The following EYA4 variants were observed in gnomAD, a reference collection of about 807,000 sequenced individuals.
The protein encoded by EYA4 is protein phosphatase EYA4.
In EYA4, 31 loss-of-function variants were observed where a neutral mutation model predicts 87.9. The observed-to-expected ratio is 0.35, with a 90% CI of 0.27 to 0.48. The LOEUF is 0.48. Among genes scored for constraint, EYA4 ranks in the 20% least tolerant of loss-of-function variants. The probability of loss-of-function intolerance (pLI) is 0.99; values close to 1 mark genes in which losing one functional copy is unlikely to be tolerated. For missense variants in EYA4, 678 were observed against 761.4 expected (o/e 0.89, Z 1.29); for synonymous variants, 263 against 270.6 (o/e 0.97, Z 0.28).
intron 11 of EYA4, among the ~76,000 whole-genome samples, chr6:133,479,210 G>T (rs903810657): frequency 6.6e-6 from 1 of 152,078 alleles, no homozygotes; most frequent in Non-Finnish European, 1.5e-5. Context: ...TTAAAAGTTG[G>T]TGTATGTTCA....
chr6:133,241,035 G>C (rs932122228), upstream of EYA4, among the ~76,000 whole-genome samples: 2 of 151,980 alleles, frequency 1.3e-5, no homozygotes, highest in African/African-American at 2.4e-5. Context: ...GAGTCGGCCC[G>C]GGTGGGGGCG....
intron 1 of EYA4, among the ~76,000 whole-genome samples, chr6:133,244,517 G>A (rs1271655668): frequency 6.6e-6 from 1 of 151,788 alleles, no homozygotes; most frequent in African/African-American, 2.4e-5. Context: ...GTTTCTAGAA[G>A]CTGGAGAAAA....
chr6:133,413,748 A>C (rs756186275), intron 3 of EYA4, among the ~76,000 whole-genome samples: 3 of 152,188 alleles, frequency 2.0e-5, no homozygotes, highest in African/African-American at 7.2e-5. Flanking sequence ...TGTTTCCAGC[A>C]TAGATCTCTT....
chr6:133,254,454 A>T (rs1471429943), intron 1 of EYA4, among the ~76,000 whole-genome samples: 1 of 152,114 alleles, frequency 6.6e-6, no homozygotes, highest in East Asian at 1.9e-4. Context: ...ACAATTGAGG[A>T]AGTAAAAAAA....
chr6:133,293,394 T>C (rs942898753), intron 2 of EYA4, among the ~76,000 whole-genome samples: 2 of 152,106 alleles, frequency 1.3e-5, no homozygotes, highest in African/African-American at 2.4e-5. Context: ...ACTTGGGAAA[T>C]AGGTAAATTT....
chr6:133,341,137 A>G (rs955666658), intron 2 of EYA4, among the ~76,000 whole-genome samples: 7 of 152,184 alleles, frequency 4.6e-5, no homozygotes, highest in East Asian at 1.9e-4. Context: ...AGATCTTCCA[A>G]CCATCCAAGG....
chr6:133,531,388 A>T lies in EYA4; in HGVS notation c.*2583A>T. ...GAAAATCCTCTTCCTTTCTAATCTG[A>T]AAAACGAAAACTGAACAAACACAAA... On this transcript the variant is annotated 3_prime_UTR_variant, in exon 20 of 20. Coordinates refer to ENST00000355286, the MANE Select transcript of EYA4 (RefSeq NM_004100.5). 1 of 595,996 alleles carries T rather than the reference A, an allele frequency of 1.7e-6. No homozygotes were observed. The highest frequency in any genetic ancestry group is 2.9e-6 in the Non-Finnish European group (1 of 346,546). The allele number at this position is 595,996 out of a possible 1,614,324, so 36.9% of individuals were successfully genotyped here.
intron 2 of EYA4, among the ~76,000 whole-genome samples, chr6:133,376,897 T>G (rs1785737169): frequency 6.6e-6 from 1 of 152,008 alleles, no homozygotes; most frequent in Admixed American, 6.6e-5. Context: ...TGAATAGTAT[T>G]GTGAAATAAG....
chr6:133,438,935 G>C (rs566253112), intron 3 of EYA4, among the ~76,000 whole-genome samples: 4 of 151,096 alleles, frequency 2.6e-5, no homozygotes, highest in African/African-American at 9.7e-5. Flanking sequence ...CCAGCTACTC[G>C]GGAGGCTGAG....
chr6:133,472,958 T>C (rs1795404836), intron 11 of EYA4, among the ~76,000 whole-genome samples: 1 of 151,944 alleles, frequency 6.6e-6, no homozygotes, highest in Non-Finnish European at 1.5e-5. Context: ...TAGATCTTCC[T>C]CCATCCTTTT....
At chr6:133,512,577 A>C (rs576548077) in intron 14 of EYA4, 144 bp from the exon 15 acceptor site, 1 of 730,908 alleles carries the variant, frequency 1.4e-6, no homozygotes, top group Admixed American at 1.9e-5. Flanking sequence ...CAACAGAAGA[A>C]AACAAGAGTG....
chr6:133,250,370 G>A (rs1033608890), intron 1 of EYA4, among the ~76,000 whole-genome samples: 3 of 152,080 alleles, frequency 2.0e-5, no homozygotes, highest in African/African-American at 4.8e-5. Context: ...GGCTGGGCGC[G>A]GTGGCTCACA....
intron 2 of EYA4, among the ~76,000 whole-genome samples, chr6:133,371,493 T>A (rs1282987302): frequency 1.3e-5 from 2 of 152,224 alleles, no homozygotes; most frequent in African/African-American, 4.8e-5. Flanking sequence ...AAAATGTTAC[T>A]TATCAAAAAT....
chr6:133,476,384 T>G (rs1393017153), intron 11 of EYA4, among the ~76,000 whole-genome samples: 1 of 152,018 alleles, frequency 6.6e-6, no homozygotes, highest in East Asian at 1.9e-4. Context: ...GTTATATCCT[T>G]TGACCAACAG....
chr6:133,278,039 G>A (rs181897723), intron 2 of EYA4, among the ~76,000 whole-genome samples: 1 of 151,448 alleles, frequency 6.6e-6, no homozygotes, highest in East Asian at 1.9e-4. Flanking sequence ...GCCCTTTCTT[G>A]CCTTCAAGGG....
At chr6:133,408,268 T>C (rs1198332226) in intron 3 of EYA4, among the ~76,000 whole-genome samples, 2 of 152,170 alleles carry the variant, frequency 1.3e-5, no homozygotes, top group Admixed American at 6.5e-5. Context: ...ATACTCCTCC[T>C]CTGAGGGAGA....
At chr6:133,332,124 C>T (rs750310567) in intron 2 of EYA4, among the ~76,000 whole-genome samples, 1 of 152,184 alleles carries the variant, frequency 6.6e-6, no homozygotes, top group Non-Finnish European at 1.5e-5. Context: ...GAGACTCTGG[C>T]CATGTCGCCC....
chr6:133,481,657 A>G, intron 12 of EYA4, 58 bp downstream of exon 12: 1 of 1,554,682 alleles, frequency 6.4e-7, no homozygotes, highest in Non-Finnish European at 8.9e-7. Context: ...CGAATGATAC[A>G]TTCTCTATCT....
At chr6:133,381,075 C>T (rs200406605) in intron 2 of EYA4, among the ~76,000 whole-genome samples, 896 of 96,510 alleles carry the variant, frequency 9.3e-3, no homozygotes, top group Middle Eastern at 0.025. Context: ...TTTTTTTTTT[C>T]TTTTTTTTTT....
Sources: gnomAD v4.1 joint callset for allele counts (sites outside exome capture counted in the v4.1 genomes callset) on GRCh38, gnomAD v4.1.1 for gene constraint, MANE v1.5 for transcripts, NCBI Gene and HGNC (gene_info 2026-07-23, HGNC 2026-07-21) for gene names.